SCFD1: variants seen among roughly 807,000 people sequenced by gnomAD.
SCFD1 encodes the protein sec1 family domain-containing protein 1.
SCFD1 carries 37 observed loss-of-function variants against 103.2 expected under a neutral mutation model. The ratio of observed to expected loss-of-function variants is 0.36; its 90% CI spans 0.28 to 0.47. The LOEUF (loss-of-function observed/expected upper bound fraction) is 0.47. Among genes scored for constraint, SCFD1 ranks in the 20% least tolerant of loss-of-function variants. The pLI is 1.00. For synonymous variants in SCFD1, 264 were observed against 245.0 expected (o/e 1.08, Z -0.73); for missense variants, 639 against 761.2 (o/e 0.84, Z 1.89).
chr14:30,728,112 A>G (rs1347403872), intron 23 of SCFD1, among the ~76,000 whole-genome samples: 1 of 152,194 alleles, frequency 6.6e-6, no homozygotes, highest in African/African-American at 2.4e-5. Flanking sequence ...AATTGTTATC[A>G]GTTCCTGTGT....
At chr14:30,698,454 T>A (rs1259061920) in intron 15 of SCFD1, among the ~76,000 whole-genome samples, 2 of 151,990 alleles carry the variant, frequency 1.3e-5, no homozygotes, top group Non-Finnish European at 2.9e-5. Context: ...TGAAGAAGAG[T>A]GGGAGCTGTT....
At chr14:30,731,204 G>T (rs1893436898) in intron 23 of SCFD1, among the ~76,000 whole-genome samples, 1 of 152,040 alleles carries the variant, frequency 6.6e-6, no homozygotes. Context: ...TGTTCCACTG[G>T]TCTATATCTC....
intron 9 of SCFD1, among the ~76,000 whole-genome samples, chr14:30,652,143 G>A (rs144618368): frequency 6.6e-6 from 1 of 152,256 alleles, no homozygotes; most frequent in East Asian, 1.9e-4. Context: ...GAAATCCACT[G>A]TCCTATACCC....
At chr14:30,653,635 AGT>A (rs1467594718) in intron 10 of SCFD1, 47 bp downstream of exon 10, 1 of 1,244,872 alleles carries the variant, frequency 8.0e-7, no homozygotes, top group Non-Finnish European at 1.2e-6. Flanking sequence ...AGTAACATGC[AGT>A]GTTCCCTTTA....
At chr14:30,710,416 T>C (rs79477847) in intron 19 of SCFD1, among the ~76,000 whole-genome samples, 5,196 of 150,624 alleles carry the variant, frequency 0.034, 119 homozygotes, top group Middle Eastern at 0.059. Flanking sequence ...TATATTATCA[T>C]CAAGTAAAAG....
intron 14 of SCFD1, among the ~76,000 whole-genome samples, chr14:30,679,372 T>C (rs979903386): frequency 6.6e-6 from 1 of 152,172 alleles, no homozygotes; most frequent in African/African-American, 2.4e-5. Context: ...ATAAATATTG[T>C]TTGAATTAGG....
At chr14:30,680,272 A>G (rs1889366494) in intron 14 of SCFD1, among the ~76,000 whole-genome samples, 1 of 152,248 alleles carries the variant, frequency 6.6e-6, no homozygotes, top group Non-Finnish European at 1.5e-5. Flanking sequence ...GAAAGCAAAC[A>G]ACCTGTGTTA....
chr14:30,721,882 A>G lies in SCFD1; in HGVS notation c.1737-2A>G. 1.2e-6 allele frequency: 2 copies of G among 1,607,900 alleles called. No individual in the cohort carries two copies. The highest frequency in any genetic ancestry group is 1.7e-6 in the Non-Finnish European group (2 of 1,175,832). On this transcript the variant is annotated splice_acceptor_variant, in intron 21 of 24. Coordinates refer to ENST00000458591, the MANE Select transcript of SCFD1 (RefSeq NM_016106.4). LOFTEE classifies it high-confidence loss of function. ...TTTCATTACGGTTTTTCTTTATTAC[A>G]GCTCAGTTCCCAGAAATAAAAATCC...
intron 7 of SCFD1, among the ~76,000 whole-genome samples, chr14:30,645,021 A>T (rs1885670313): frequency 6.6e-6 from 1 of 152,104 alleles, no homozygotes; most frequent in Non-Finnish European, 1.5e-5. Flanking sequence ...TGGTGAAAGG[A>T]AGGGGTTCAG....
chr14:30,714,519 A>T (rs1357011881), intron 19 of SCFD1, among the ~76,000 whole-genome samples: 3 of 152,234 alleles, frequency 2.0e-5, no homozygotes, highest in African/African-American at 7.2e-5. Context: ...TTTTAATTTT[A>T]CTTGCCTGAG....
intron 17 of SCFD1, among the ~76,000 whole-genome samples, chr14:30,703,898 T>C (rs913617510): frequency 4.7e-5 from 6 of 126,896 alleles, no homozygotes; most frequent in Non-Finnish European, 1.0e-4. Context: ...TTTTCAGATT[T>C]GGGAATATTT....
At chr14:30,734,540 G>A (rs1893701527) in intron 23 of SCFD1, 2 of 408,238 alleles carry the variant, frequency 4.9e-6, no homozygotes, top group Non-Finnish European at 9.0e-6. Flanking sequence ...TATTTTTAGT[G>A]TAATAGGAAA....
At chr14:30,702,222 T>A (rs1891128331) in intron 16 of SCFD1, 74 bp from the exon 17 acceptor site, 5 of 1,005,862 alleles carry the variant, frequency 5.0e-6, no homozygotes, top group Non-Finnish European at 7.5e-6. Context: ...TACTTTTTAA[T>A]TAATCAAATG....
chr14:30,709,380 G>A (rs1891705151), intron 19 of SCFD1, among the ~76,000 whole-genome samples: 2 of 151,942 alleles, frequency 1.3e-5, no homozygotes, highest in African/African-American at 4.8e-5. Context: ...CTACAGGCAC[G>A]CACCGCCACA....
At chr14:30,674,042 AT>A (rs751915827) in intron 13 of SCFD1, 45 bp downstream of exon 13, 4,980 of 1,327,894 alleles carry the variant, frequency 3.8e-3, no homozygotes, top group South Asian at 5.4e-3. Context: ...TGTTGATAGG[AT>A]TTTTTTTTTA....
intron 15 of SCFD1, among the ~76,000 whole-genome samples, chr14:30,699,698 G>C (rs1890945101): frequency 6.6e-6 from 1 of 151,990 alleles, no homozygotes; most frequent in Non-Finnish European, 1.5e-5. Flanking sequence ...GAGAAGTATG[G>C]CTTTAGGCTC....
Position 30,628,244 on chromosome 14 carries a change from C to T in SCFD1, c.97C>T (p.His33Tyr). 2 of 1,612,058 alleles carry T rather than the reference C, an allele frequency of 1.2e-6. No homozygotes were observed. Among genetic ancestry groups the T allele is most frequent in the Non-Finnish European group, 1.7e-6 (2 of 1,178,520 alleles). Reference sequence around the variant, plus strand: ...GCGTATGTTGAATTTCAATGTGCCTCATATTAAAAACAGCACAGGAGAACC... The same window carrying T: ...GCGTATGTTGAATTTCAATGTGCCTTATATTAAAAACAGCACAGGAGAACC... ...LKRMLNFNVP[H>Y]IKNSTGEPVW... The change falls in exon 2 of 25, where the codon CAT (histidine) becomes TAT (tyrosine). Residue 33 changes from histidine (H) to tyrosine (Y), a missense_variant. Coordinates refer to ENST00000458591, the MANE Select transcript of SCFD1 (RefSeq NM_016106.4).
At position 30,702,357 on chromosome 14, in the gene SCFD1, A is replaced by T; in HGVS notation, c.1472A>T (p.Gln491Leu). 1 of 1,587,412 alleles carries T rather than the reference A, an allele frequency of 6.3e-7. No individual in the cohort carries two copies. The highest frequency in any genetic ancestry group is 8.6e-7 in the Non-Finnish European group (1 of 1,163,610). ...TDAGCNLNPL[Q>L]YIKQWKAFTK... is the part of the protein sequence containing the mutation. The stretch of plus-strand genomic sequence containing the variant: ...GCAGGATGCAACCTTAATCCTTTAC[A>T]ATATATCAAACAGTGGAAGTAAGTT... The change falls in exon 17 of 25, where the codon CAA (glutamine) becomes CTA (leucine). Residue 491 changes from glutamine to leucine, a missense_variant. Gln to Leu is a moderately radical substitution (Grantham distance 113). Coordinates refer to ENST00000458591, the MANE Select transcript of SCFD1 (RefSeq NM_016106.4).
intron 10 of SCFD1, among the ~76,000 whole-genome samples, chr14:30,661,507 A>T (rs1027438427): frequency 7.9e-5 from 12 of 152,148 alleles, no homozygotes; most frequent in South Asian, 2.1e-4. Context: ...GTCAAATAAC[A>T]TCTGATGTGT....
Sources: gnomAD v4.1 joint callset for allele counts (sites outside exome capture counted in the v4.1 genomes callset) on GRCh38, gnomAD v4.1.1 for gene constraint, MANE v1.5 for transcripts, NCBI Gene and HGNC (gene_info 2026-07-23, HGNC 2026-07-21) for gene names.